The following GCH1 variants were observed in gnomAD, a reference collection of about 807,000 sequenced individuals.
The protein encoded by GCH1 is GTP cyclohydrolase 1.
In GCH1, 5 loss-of-function variants were observed where a neutral mutation model predicts 25.9. The ratio of observed to expected loss-of-function variants is 0.19; its 90% CI spans 0.10 to 0.41. The LOEUF (loss-of-function observed/expected upper bound fraction) is 0.41. Among genes scored for constraint, GCH1 ranks in the 10% least tolerant of loss-of-function variants. GCH1 has a pLI of 1.00. For synonymous variants in GCH1, 159 were observed against 129.6 expected, an observed-to-expected ratio of 1.23 and a Z score of -1.54; for missense variants, 261 against 336.5, an observed-to-expected ratio of 0.78 and a Z score of 1.75.
intron 2 of GCH1, among the ~76,000 whole-genome samples, chr14:54,863,537 A>G (rs8010282): frequency 0.17 from 23,517 of 142,180 alleles, 3,039 homozygotes; most frequent in African/African-American, 0.35. Flanking sequence ...AACAATACAA[A>G]GGTCCACCAA....
intron 3 of GCH1, among the ~76,000 whole-genome samples, chr14:54,848,123 G>C (rs972000565): frequency 1.3e-5 from 2 of 149,282 alleles, no homozygotes; most frequent in African/African-American, 4.9e-5. Flanking sequence ...TCTGTCAAGT[G>C]ATAAATTTTC....
At chr14:54,845,059 G>C (rs1371141151) in intron 5 of GCH1, among the ~76,000 whole-genome samples, 1 of 152,134 alleles carries the variant, frequency 6.6e-6, no homozygotes, top group African/African-American at 2.4e-5. Context: ...TGTAATCCCA[G>C]CTATTTGGGA....
Position 54,843,110 on chromosome 14 carries a change from TA to T in GCH1, c.*906del. ...TGGAAATACTTAGAAAAATATCTTA[TA>T]AGATTAAAAAAAAGAAGAAGAAGAA... On this transcript the variant is annotated 3_prime_UTR_variant, in exon 6 of 6. Transcript: ENST00000491895. The T allele has an allele frequency of 6.7e-7, 1 of 1,489,308 alleles. No homozygotes were observed. Among genetic ancestry groups the T allele is most frequent in the Non-Finnish European group, 9.2e-7 (1 of 1,087,016 alleles). 92.3% of individuals were successfully genotyped at this position (1,489,308 alleles called of 1,614,324 possible).
At chr14:54,865,054 A>AG (rs1491016260) in intron 2 of GCH1, among the ~76,000 whole-genome samples, 84 of 149,132 alleles carry the variant, frequency 5.6e-4, no homozygotes, top group Non-Finnish European at 9.7e-4. Flanking sequence ...AAAAAAAAAA[A>AG]AGAGAGAGAG....
At chr14:54,893,525 G>C (rs1020234427) in intron 1 of GCH1, among the ~76,000 whole-genome samples, 4 of 152,158 alleles carry the variant, frequency 2.6e-5, no homozygotes, top group East Asian at 1.9e-4. Context: ...TGAGGAAGAA[G>C]GGAGAAATCA....
intron 1 of GCH1, among the ~76,000 whole-genome samples, chr14:54,873,930 T>C (rs1181843741): frequency 6.6e-6 from 1 of 152,208 alleles, no homozygotes; most frequent in African/African-American, 2.4e-5. Flanking sequence ...GAGGAGCTGG[T>C]ACCATTCCTT....
In GCH1 at chr14:54,902,758, G is replaced by T; in HGVS notation, c.-95C>A. 4 of 1,359,944 alleles carry T rather than the reference G, an allele frequency of 2.9e-6. No individual in the cohort carries two copies. The highest frequency in any genetic ancestry group is 3.8e-6 in the Non-Finnish European group (4 of 1,060,510). The allele number at this position is 1,359,944 out of a possible 1,614,324, so 84.2% of individuals were successfully genotyped here. On this transcript the variant is annotated 5_prime_UTR_variant, in exon 1 of 6. Coordinates refer to ENST00000491895, the MANE Select transcript of GCH1 (RefSeq NM_000161.3). ...CGGTGGCCGCGGACAATGGGCTGTG[G>T]CCGGAGTCACCTGAGGAAGGTACGC... is the stretch of plus-strand genomic sequence containing the variant.
intron 1 of GCH1, among the ~76,000 whole-genome samples, chr14:54,898,912 C>G (rs567221511): frequency 1.4e-3 from 210 of 152,294 alleles, no homozygotes; most frequent in African/African-American, 4.7e-3. Flanking sequence ...GTGTGAGCCA[C>G]CATGCCTGGC....
chr14:54,865,520 T>A, intron 1 of GCH1, 84 bp from the exon 2 acceptor site: 5 of 726,224 alleles, frequency 6.9e-6, no homozygotes, highest in South Asian at 5.9e-5. Flanking sequence ...ACAGTCAACA[T>A]AAACGAACGT....
intron 2 of GCH1, 61 bp downstream of exon 2, chr14:54,865,266 T>C: frequency 1.3e-6 from 1 of 784,464 alleles, no homozygotes; most frequent in East Asian, 2.7e-5. Flanking sequence ...AATATAATTA[T>C]TCTAATTGAA....
intron 1 of GCH1, among the ~76,000 whole-genome samples, chr14:54,874,864 A>G (rs1484252511): frequency 6.6e-6 from 1 of 152,234 alleles, no homozygotes; most frequent in Non-Finnish European, 1.5e-5. Flanking sequence ...ATGGAAGAAC[A>G]TTCCATGCTC....
At chr14:54,859,821 A>G (rs562002751) in intron 2 of GCH1, 85 bp from the exon 3 acceptor site, 2 of 773,766 alleles carry the variant, frequency 2.6e-6, no homozygotes, top group Non-Finnish European at 4.7e-6. Flanking sequence ...GAAAGAATAT[A>G]GTACACTTTT....
At chr14:54,886,614 A>C (rs554384844) in intron 1 of GCH1, among the ~76,000 whole-genome samples, 1 of 152,308 alleles carries the variant, frequency 6.6e-6, no homozygotes, top group Non-Finnish European at 1.5e-5. Context: ...TGTCTCAAAA[A>C]ACAAAACAAA....
intron 1 of GCH1, among the ~76,000 whole-genome samples, chr14:54,879,186 C>G (rs988730656): frequency 6.6e-6 from 1 of 152,016 alleles, no homozygotes; most frequent in African/African-American, 2.4e-5. Context: ...TTTGGGAGGC[C>G]AAGGCAGGTG....
At chr14:54,899,006 T>C (rs571821156) in intron 1 of GCH1, among the ~76,000 whole-genome samples, 5 of 152,056 alleles carry the variant, frequency 3.3e-5, no homozygotes, top group Non-Finnish European at 7.4e-5. Context: ...AACAAACACA[T>C]TACTCTAGGC....
chr14:54,860,676 G>T (rs1027240491), intron 2 of GCH1, among the ~76,000 whole-genome samples: 8 of 151,966 alleles, frequency 5.3e-5, no homozygotes, highest in African/African-American at 9.7e-5. Flanking sequence ...GAGTAGCCGG[G>T]ACTACAGGCG....
intron 1 of GCH1, among the ~76,000 whole-genome samples, chr14:54,894,013 T>C (rs2040455084): frequency 6.6e-6 from 1 of 152,214 alleles, no homozygotes. Flanking sequence ...TCATCCTGCA[T>C]TCCCAGCGTT....
chr14:54,844,116 T>C lies in GCH1; in HGVS notation c.654A>G (p.Val218=). The part of the protein sequence containing the change: ...ATHMCMVMRG[V]QKMNSKTVTS... ...TCACAGTTTTGCTGTTCATTTTCTGTACACCTCGCATTACCATACACATGT... is the reference window on the plus strand; with the variant it reads ...TCACAGTTTTGCTGTTCATTTTCTGCACACCTCGCATTACCATACACATGT... The change falls in exon 6 of 6, where the codon GTA becomes GTG. Residue 218 remains valine, a synonymous_variant. Coordinates refer to ENST00000491895, the MANE Select transcript of GCH1 (RefSeq NM_000161.3). The C allele has an allele frequency of 6.2e-7, 1 of 1,613,532 alleles. No individual in the cohort carries two copies.
intron 3 of GCH1, among the ~76,000 whole-genome samples, chr14:54,852,835 C>T (rs903606830): frequency 4.6e-5 from 7 of 152,148 alleles, no homozygotes; most frequent in Non-Finnish European, 7.4e-5. Context: ...TTGTCTGACT[C>T]GACTCATGGT....
Sources: gnomAD v4.1 joint callset for allele counts (sites outside exome capture counted in the v4.1 genomes callset) on GRCh38, gnomAD v4.1.1 for gene constraint, MANE v1.5 for transcripts, NCBI Gene and HGNC (gene_info 2026-07-23, HGNC 2026-07-21) for gene names.